Variants in SCD5 observed in about 807,000 individuals in gnomAD.
The protein encoded by SCD5 is stearoyl-CoA desaturase 5, also known as acyl-CoA-desaturase 4.
In SCD5, 20 loss-of-function variants were observed where a neutral mutation model predicts 30.4. The ratio of observed to expected loss-of-function variants is 0.66; its 90% CI spans 0.46 to 0.96. The LOEUF is 0.96. Ranked by LOEUF, SCD5 falls within the 40% of genes least tolerant of loss-of-function variation. The pLI, the probability that SCD5 is intolerant of heterozygous loss-of-function variation, is 0.00. For missense variants in SCD5, 381 were observed against 443.3 expected (o/e 0.86, Z 1.26); for synonymous variants, 173 against 176.4 (o/e 0.98, Z 0.16).
At chr4:82,646,661 T>C (rs1727640034) in intron 3 of SCD5, among the ~76,000 whole-genome samples, 1 of 152,214 alleles carries the variant, frequency 6.6e-6, no homozygotes, top group South Asian at 2.1e-4. Flanking sequence ...AAGCGTTCTG[T>C]AGAAGAAAAC....
At chr4:82,778,345 C>T (rs1721797795) in intron 1 of SCD5, among the ~76,000 whole-genome samples, 1 of 152,102 alleles carries the variant, frequency 6.6e-6, no homozygotes, top group Non-Finnish European at 1.5e-5. Flanking sequence ...GGAGGGTGCT[C>T]GTACACTGAC....
At chr4:82,722,765 C>CAAAAAA (rs879522323) in intron 1 of SCD5, among the ~76,000 whole-genome samples, 1 of 141,030 alleles carries the variant, frequency 7.1e-6, no homozygotes. Flanking sequence ...AACTCCATCT[C>CAAAAAA]AAAAAAAAAA....
intron 1 of SCD5, among the ~76,000 whole-genome samples, chr4:82,791,807 AAAC>A (rs368698266): frequency 1.2e-3 from 176 of 152,160 alleles, no homozygotes; most frequent in African/African-American, 3.8e-3. Context: ...TAGATCCTTA[AAAC>A]AACAACAACA....
chr4:82,797,667 C>G (rs1264617190), intron 1 of SCD5, among the ~76,000 whole-genome samples: 1 of 152,054 alleles, frequency 6.6e-6, no homozygotes, highest in African/African-American at 2.4e-5. Flanking sequence ...GTTTGCTCAC[C>G]GAGAAACTTC....
In SCD5 at chr4:82,683,894, G is replaced by A. The variant is rs374997797; in HGVS notation, c.364-2982C>T. On this transcript the variant is annotated intron_variant, in intron 2 of 4. Coordinates refer to ENST00000319540, the MANE Select transcript of SCD5 (RefSeq NM_001037582.3). ...AGTTTCCTGAGCCCTCCCCAGCCAC[G>A]CAGAACTGTGAGTCAATTAAACCTC... Among the ~76,000 whole-genome samples, 74 of 152,232 alleles carry A rather than the reference G, an allele frequency of 4.9e-4. No homozygotes were observed. The South Asian group carries it at 0.015, about 31-fold the overall frequency.
intron 1 of SCD5, among the ~76,000 whole-genome samples, chr4:82,740,522 C>G (rs1296415233): frequency 6.6e-6 from 1 of 152,202 alleles, no homozygotes; most frequent in Non-Finnish European, 1.5e-5. Context: ...TCACAATAAG[C>G]TTTGGAGGGT....
chr4:82,653,460 G>C (rs986224640), intron 3 of SCD5, among the ~76,000 whole-genome samples: 6 of 152,078 alleles, frequency 3.9e-5, no homozygotes, highest in African/African-American at 1.4e-4. Context: ...TGACCTTCAG[G>C]ATCCAGAAAT....
In SCD5 at chr4:82,769,033, C is replaced by T. The variant is rs181479040; in HGVS notation, c.232+29273G>A. On this transcript the variant is annotated intron_variant, in intron 1 of 4. Coordinates refer to ENST00000319540, the MANE Select transcript of SCD5 (RefSeq NM_001037582.3). ...CAGAGAAGAAAAGAGGACTGTCTAA[C>T]GGGGGCTGGAGGTTGGAGGCTGAGG... Among the ~76,000 whole-genome samples the T allele has an allele frequency of 5.3e-5, 8 of 151,696 alleles. No homozygotes were observed. The South Asian group carries it at 8.3e-4, about 16-fold the overall frequency.
intron 3 of SCD5, among the ~76,000 whole-genome samples, chr4:82,639,192 G>T (rs1727491146): frequency 6.6e-6 from 1 of 152,206 alleles, no homozygotes; most frequent in African/African-American, 2.4e-5. Context: ...TGGGATACAG[G>T]ATGGCTGCAT....
intron 1 of SCD5, among the ~76,000 whole-genome samples, chr4:82,769,231 T>G (rs1721563551): frequency 6.6e-6 from 1 of 152,166 alleles, no homozygotes. Flanking sequence ...GTGAGGGCAA[T>G]GCCTTTGTGA....
chr4:82,794,976 C>T (rs1315607617), intron 1 of SCD5, among the ~76,000 whole-genome samples: 1 of 152,026 alleles, frequency 6.6e-6, no homozygotes, highest in African/African-American at 2.4e-5. Context: ...AAGTCATGAA[C>T]GCATTGCTGA....
At chr4:82,712,284 ATATATATATATATTTTATTTTTATTT>A (rs1720121301) in intron 1 of SCD5, among the ~76,000 whole-genome samples, 1 of 41,656 alleles carries the variant, frequency 2.4e-5, no homozygotes, top group African/African-American at 1.4e-4. Context: ...ATATATATAT[ATATATATATATATTTTATTTTTATTT>A]TATTTTTTTT....
At chr4:82,688,539 G>A (rs1017168170) in intron 2 of SCD5, among the ~76,000 whole-genome samples, 2 of 152,066 alleles carry the variant, frequency 1.3e-5, no homozygotes, top group Admixed American at 6.5e-5. Context: ...TTGTTGATAC[G>A]GGGTCAGTAC....
intron 1 of SCD5, among the ~76,000 whole-genome samples, chr4:82,750,204 G>GCC (rs1485594290): frequency 6.6e-6 from 1 of 152,206 alleles, no homozygotes; most frequent in African/African-American, 2.4e-5. Context: ...GAGAGCCAGA[G>GCC]TTGGCATGGG....
intron 1 of SCD5, among the ~76,000 whole-genome samples, chr4:82,794,094 C>G (rs148820434): frequency 1.3e-5 from 2 of 152,314 alleles, no homozygotes; most frequent in East Asian, 3.9e-4. Context: ...CATCCCATCA[C>G]CCCACACTGC....
At chr4:82,742,714 G>C (rs994606613) in intron 1 of SCD5, among the ~76,000 whole-genome samples, 1 of 152,200 alleles carries the variant, frequency 6.6e-6, no homozygotes, top group African/African-American at 2.4e-5. Context: ...TTGAACCTGA[G>C]AGGTGGAGGT....
intron 1 of SCD5, among the ~76,000 whole-genome samples, chr4:82,781,965 T>C (rs566923009): frequency 1.3e-5 from 2 of 152,240 alleles, no homozygotes; most frequent in East Asian, 3.9e-4. Flanking sequence ...ATGTGGCCAC[T>C]GTTGACAGGA....
intron 1 of SCD5, among the ~76,000 whole-genome samples, chr4:82,713,227 G>C (rs1334547927): frequency 6.6e-6 from 1 of 152,156 alleles, no homozygotes; most frequent in Non-Finnish European, 1.5e-5. Flanking sequence ...TATACATATT[G>C]CTTATTTTCC....
At chr4:82,655,030 A>G (rs2148815555) in intron 3 of SCD5, among the ~76,000 whole-genome samples, 1 of 152,326 alleles carries the variant, frequency 6.6e-6, no homozygotes, top group South Asian at 2.1e-4. Flanking sequence ...AGAAAGAACC[A>G]TCACTTCATG....
Sources: gnomAD v4.1 joint callset for allele counts (sites outside exome capture counted in the v4.1 genomes callset) on GRCh38, gnomAD v4.1.1 for gene constraint, MANE v1.5 for transcripts, NCBI Gene and HGNC (gene_info 2026-07-23, HGNC 2026-07-21) for gene names.